The following IMMP2L variants were observed in gnomAD, a reference collection of about 807,000 sequenced individuals.
IMMP2L encodes inner mitochondrial membrane peptidase subunit 2.
In IMMP2L, 18 loss-of-function variants were observed where a neutral mutation model predicts 19.3. That is an observed-to-expected ratio of 0.93 (90% CI 0.64 to 1.38). The LOEUF (loss-of-function observed/expected upper bound fraction) is 1.38, where lower values mean the gene tolerates loss of function less well. Among genes scored for constraint, IMMP2L ranks in the 40% most tolerant of loss-of-function variants. The pLI is 0.00. For missense variants in IMMP2L, 233 were observed against 218.2 expected (o/e 1.07, Z -0.43); for synonymous variants, 76 against 73.0 (o/e 1.04, Z -0.21).
rs539113576 is a variant in IMMP2L at position 111,317,868 on chromosome 7, T to C, written c.239+169370A>G. Among the ~76,000 whole-genome samples, 89 of 152,290 alleles carry C rather than the reference T, an allele frequency of 5.8e-4. 1 individual carries two copies. The highest frequency in any genetic ancestry group is 8.4e-4 in the Non-Finnish European group (57 of 68,020). ...GAACCTGTTAGAGTTAAGTGAAACTTTGAAAATTCCAGGAAAGGTTCAATA... is the reference window on the plus strand; with the variant it reads ...GAACCTGTTAGAGTTAAGTGAAACTCTGAAAATTCCAGGAAAGGTTCAATA... On this transcript the variant is annotated intron_variant, in intron 3 of 5. Coordinates refer to ENST00000405709, the MANE Select transcript of IMMP2L (RefSeq NM_032549.4).
intron 3 of IMMP2L, among the ~76,000 whole-genome samples, chr7:111,113,067 T>C (rs1191849399): frequency 6.6e-6 from 1 of 152,194 alleles, no homozygotes. Flanking sequence ...GAAAGTGAAC[T>C]ACCCAGAAAC....
At chr7:111,406,745 T>C (rs771407765) in intron 3 of IMMP2L, among the ~76,000 whole-genome samples, 11 of 152,106 alleles carry the variant, frequency 7.2e-5, no homozygotes, top group Non-Finnish European at 1.2e-4. Flanking sequence ...TAGTGACTCC[T>C]ATCAATTCTA....
intron 3 of IMMP2L, among the ~76,000 whole-genome samples, chr7:111,469,579 A>C (rs1841017154): frequency 6.6e-6 from 1 of 152,088 alleles, no homozygotes; most frequent in Non-Finnish European, 1.5e-5. Flanking sequence ...GTATATCTAC[A>C]ACTATCTGAT....
chr7:111,235,780 C>T (rs1195072354), intron 3 of IMMP2L, among the ~76,000 whole-genome samples: 6 of 151,932 alleles, frequency 3.9e-5, no homozygotes, highest in Admixed American at 1.3e-4. Flanking sequence ...TAAAACTCTC[C>T]CACTTTCCTC....
At chr7:111,250,782 A>T (rs1816015050) in intron 3 of IMMP2L, among the ~76,000 whole-genome samples, 1 of 152,134 alleles carries the variant, frequency 6.6e-6, no homozygotes, top group South Asian at 2.1e-4. Flanking sequence ...TAAATGTAAA[A>T]CCCAAAATTA....
chr7:111,332,561 A>T (rs1825983149), intron 3 of IMMP2L, among the ~76,000 whole-genome samples: 1 of 152,006 alleles, frequency 6.6e-6, no homozygotes, highest in South Asian at 2.1e-4. Flanking sequence ...CAGAAGTCCC[A>T]AAAAGAACAC....
intron 3 of IMMP2L, among the ~76,000 whole-genome samples, chr7:111,301,366 T>G (rs79537515): frequency 0.057 from 8,721 of 151,696 alleles, 322 homozygotes; most frequent in Middle Eastern, 0.096. Flanking sequence ...GTTTTGTTTT[T>G]TTTTTTGGCA....
intron 3 of IMMP2L, among the ~76,000 whole-genome samples, chr7:111,216,939 C>T (rs1465154410): frequency 6.6e-6 from 1 of 151,974 alleles, no homozygotes; most frequent in African/African-American, 2.4e-5. Context: ...GACATTTTAT[C>T]AAATGCATGC....
intron 3 of IMMP2L, among the ~76,000 whole-genome samples, chr7:111,019,843 C>T (rs1826095297): frequency 6.6e-6 from 1 of 152,060 alleles, no homozygotes; most frequent in African/African-American, 2.4e-5. Flanking sequence ...AAAGGCAACT[C>T]AATGACCCTC....
intron 3 of IMMP2L, among the ~76,000 whole-genome samples, chr7:111,197,846 G>C (rs187166258): frequency 6.6e-6 from 1 of 152,224 alleles, no homozygotes; most frequent in Admixed American, 6.5e-5. Context: ...CTTGATGCTA[G>C]GCAATTACTT....
intron 3 of IMMP2L, among the ~76,000 whole-genome samples, chr7:111,303,564 T>C (rs987875727): frequency 3.9e-5 from 6 of 152,122 alleles, no homozygotes; most frequent in South Asian, 2.1e-4. Context: ...GTGGGACTCC[T>C]TTCATATTTG....
chr7:110,701,963 G>A (rs962323561), intron 5 of IMMP2L, among the ~76,000 whole-genome samples: 2 of 151,646 alleles, frequency 1.3e-5, no homozygotes, highest in African/African-American at 4.8e-5. Flanking sequence ...TTGAGACAGT[G>A]TCTCACTCTG....
intron 5 of IMMP2L, among the ~76,000 whole-genome samples, chr7:110,839,117 A>G (rs1804797419): frequency 6.6e-6 from 1 of 152,162 alleles, no homozygotes; most frequent in South Asian, 2.1e-4. Context: ...TTAATATATG[A>G]AAATACAGAC....
chr7:110,814,565 C>T (rs1364427749), intron 5 of IMMP2L, among the ~76,000 whole-genome samples: 2 of 150,752 alleles, frequency 1.3e-5, no homozygotes, highest in African/African-American at 4.9e-5. Flanking sequence ...TAAGTATATG[C>T]TTCATATTTA....
At chr7:110,692,597 C>T (rs535952764) in intron 5 of IMMP2L, among the ~76,000 whole-genome samples, 8 of 152,094 alleles carry the variant, frequency 5.3e-5, no homozygotes, top group African/African-American at 1.9e-4. Flanking sequence ...TTTGATTTCA[C>T]TGAAAATAAT....
At chr7:111,518,614 C>T (rs1348264796) in intron 2 of IMMP2L, among the ~76,000 whole-genome samples, 4 of 152,050 alleles carry the variant, frequency 2.6e-5, no homozygotes, top group African/African-American at 4.8e-5. Context: ...ATGACATAAA[C>T]GTGTTTAGTT....
At chr7:111,002,474 G>T (rs906065290) in intron 3 of IMMP2L, among the ~76,000 whole-genome samples, 4 of 152,096 alleles carry the variant, frequency 2.6e-5, no homozygotes, top group African/African-American at 9.7e-5. Context: ...AGATCTGTCT[G>T]TTTTAAGGCA....
In IMMP2L at chr7:110,861,069, T is replaced by TTGTGTGTGTGTG. The variant is rs754363475; in HGVS notation, c.408+25512_408+25523dup. Among the ~76,000 whole-genome samples the TTGTGTGTGTGTG allele has an allele frequency of 3.6e-3, 468 of 128,948 alleles. 4 individuals carry two copies. The highest frequency in any genetic ancestry group is 0.013 in the African/African-American group (435 of 33,434). The allele number at this position is 128,948 out of a possible 152,430, so 84.6% of individuals were successfully genotyped here. On this transcript the variant is annotated intron_variant, in intron 5 of 5. Coordinates refer to ENST00000405709, the MANE Select transcript of IMMP2L (RefSeq NM_032549.4). ...TAAAAGAATGACTACCACCAGCAGT[T>TTGTGTGTGTGTG]TGTGTGTGTGTGTGTGTGTGTGTGT...
At chr7:110,891,601 T>C (rs1324712172) in intron 4 of IMMP2L, among the ~76,000 whole-genome samples, 4 of 152,114 alleles carry the variant, frequency 2.6e-5, no homozygotes, top group Admixed American at 2.6e-4. Context: ...CTTCAAATAC[T>C]GGATTTATGA....
Sources: allele counts gnomAD v4.1 joint callset (sites outside exome capture counted in the v4.1 genomes callset), GRCh38; gene constraint gnomAD v4.1.1; transcripts MANE v1.5; gene names NCBI Gene and HGNC (gene_info 2026-07-23, HGNC 2026-07-21).